Variants in DAB1 observed in about 807,000 individuals in gnomAD.
DAB1 encodes disabled homolog 1.
In DAB1, 15 loss-of-function variants were observed where a neutral mutation model predicts 64.6. The observed-to-expected ratio is 0.23, with a 90% CI of 0.16 to 0.36. The LOEUF is 0.36. DAB1 is among the 10% of genes least tolerant of loss of function. DAB1 has a pLI of 1.00. For missense variants in DAB1, 596 were observed against 706.7 expected (o/e 0.84, Z 1.78); for synonymous variants, 235 against 251.9 (o/e 0.93, Z 0.64).
chr1:57,072,577 A>T (rs976299330), intron 4 of DAB1, among the ~76,000 whole-genome samples, 163 bp from the exon 5 acceptor site: 1 of 152,222 alleles, frequency 6.6e-6, no homozygotes, highest in South Asian at 2.1e-4. Context: ...TCCTTGAGAA[A>T]TGGAGGCTTC....
At chr1:57,830,590 T>A (rs852780) in intron 1 of DAB1, among the ~76,000 whole-genome samples, 47,807 of 151,530 alleles carry the variant, frequency 0.32, 8,788 homozygotes, top group Admixed American at 0.47. Flanking sequence ...ACATGAAAAA[T>A]ATATATATAT....
At chr1:58,181,747 T>C (rs557786451) in intron 4 of DAB1, among the ~76,000 whole-genome samples, 32 of 151,176 alleles carry the variant, frequency 2.1e-4, no homozygotes, top group Non-Finnish European at 3.4e-4. Flanking sequence ...TGTGTTATTA[T>C]AGTCATATAC....
chr1:57,057,802 G>T (rs566408177), intron 9 of DAB1, among the ~76,000 whole-genome samples: 1 of 151,792 alleles, frequency 6.6e-6, no homozygotes, highest in East Asian at 1.9e-4. Context: ...TAGAGACGGG[G>T]TTTCACTGTA....
intron 4 of DAB1, among the ~76,000 whole-genome samples, chr1:58,237,311 G>A (rs1314388291): frequency 1.3e-5 from 2 of 152,198 alleles, no homozygotes; most frequent in Non-Finnish European, 2.9e-5. Flanking sequence ...TGTACTCTAT[G>A]TAAGACACTA....
At chr1:57,697,902 T>C (rs763641711) in intron 6 of DAB1, among the ~76,000 whole-genome samples, 2 of 152,162 alleles carry the variant, frequency 1.3e-5, no homozygotes, top group African/African-American at 2.4e-5. Flanking sequence ...TAGCACTGGA[T>C]TCAAAGCTGG....
At chr1:57,796,499 C>T (rs983945761) in intron 6 of DAB1, among the ~76,000 whole-genome samples, 1 of 151,606 alleles carries the variant, frequency 6.6e-6, no homozygotes, top group Non-Finnish European at 1.5e-5. Flanking sequence ...TGCATTCCAG[C>T]CTGGGCGACA....
At chr1:57,389,568 T>C (rs1385435253) in intron 1 of DAB1, among the ~76,000 whole-genome samples, 1 of 152,182 alleles carries the variant, frequency 6.6e-6, no homozygotes, top group East Asian at 1.9e-4. Context: ...TATTGGCCTT[T>C]ATCCTATTAT....
intron 1 of DAB1, chr1:57,881,043 T>C (rs1159216099): frequency 1.3e-5 from 2 of 152,224 alleles, no homozygotes; most frequent in Non-Finnish European, 2.9e-5. Flanking sequence ...GGGCATGATT[T>C]ATCATGTCTT....
chr1:57,939,983 C>T (rs1645079470), intron 5 of DAB1, among the ~76,000 whole-genome samples: 2 of 152,142 alleles, frequency 1.3e-5, no homozygotes, highest in South Asian at 4.1e-4. Flanking sequence ...GTGAATCTAA[C>T]ACAACACTAT....
downstream of DAB1, among the ~76,000 whole-genome samples, chr1:57,822,446 A>G (rs910872163): frequency 2.0e-5 from 3 of 152,126 alleles, no homozygotes; most frequent in Non-Finnish European, 4.4e-5. Context: ...AGAGTAACCC[A>G]AGAGCTCCAG....
intron 6 of DAB1, among the ~76,000 whole-genome samples, chr1:57,666,871 G>A (rs1300839895): frequency 6.6e-6 from 1 of 151,096 alleles, no homozygotes; most frequent in Non-Finnish European, 1.5e-5. Flanking sequence ...AGAGGGAGAG[G>A]GAGGGGGAAG....
chr1:57,778,313 C>CTCAGT (rs1383139879), intron 6 of DAB1, among the ~76,000 whole-genome samples: 2 of 151,696 alleles, frequency 1.3e-5, no homozygotes. Flanking sequence ...TTCTAGATGC[C>CTCAGT]TCAGTTTCAC....
At chr1:57,298,528 A>G (rs1390305426) in intron 1 of DAB1, among the ~76,000 whole-genome samples, 3 of 152,204 alleles carry the variant, frequency 2.0e-5, no homozygotes, top group Non-Finnish European at 4.4e-5. Flanking sequence ...CTCTCTTGCC[A>G]TAACTGTAAC....
At chr1:57,394,570 T>G (rs1682652700) in intron 1 of DAB1, among the ~76,000 whole-genome samples, 1 of 152,238 alleles carries the variant, frequency 6.6e-6, no homozygotes, top group African/African-American at 2.4e-5. Flanking sequence ...GAAATGCTTC[T>G]GAATGAACCT....
intron 2 of DAB1, among the ~76,000 whole-genome samples, chr1:57,186,622 T>C (rs1663590892): frequency 6.6e-6 from 1 of 152,224 alleles, no homozygotes. Context: ...CCCTTATGAA[T>C]ATCCAACTAA....
chr1:58,088,785 T>C (rs1650468579), intron 5 of DAB1, among the ~76,000 whole-genome samples: 1 of 152,190 alleles, frequency 6.6e-6, no homozygotes, highest in African/African-American at 2.4e-5. Context: ...CTCAAGGAGC[T>C]TGGAGCCTGG....
chr1:57,673,123 T>A (rs1215878377), intron 6 of DAB1, among the ~76,000 whole-genome samples: 1 of 152,138 alleles, frequency 6.6e-6, no homozygotes, highest in Non-Finnish European at 1.5e-5. Flanking sequence ...GCAAATTAGG[T>A]GTCTGGTGAG....
chr1:58,381,886 TG>T (rs1557745093), intron 3 of DAB1, among the ~76,000 whole-genome samples: 9 of 106,718 alleles, frequency 8.4e-5, no homozygotes, highest in African/African-American at 2.9e-4. Flanking sequence ...AAATAATGAA[TG>T]ACACCATCAA....
At chr1:58,058,399 C>A (rs1372888594) in intron 5 of DAB1, among the ~76,000 whole-genome samples, 2 of 152,180 alleles carry the variant, frequency 1.3e-5, no homozygotes, top group Admixed American at 1.3e-4. Flanking sequence ...ATTTCAGTTT[C>A]CAAGTGCAAA....
Sources: gnomAD v4.1 joint callset for allele counts (sites outside exome capture counted in the v4.1 genomes callset) on GRCh38, gnomAD v4.1.1 for gene constraint, MANE v1.5 for transcripts, NCBI Gene and HGNC (gene_info 2026-07-23, HGNC 2026-07-21) for gene names.